Variants in WBP2NL observed in about 807,000 individuals in gnomAD.
WBP2NL encodes postacrosomal sheath WW domain-binding protein.
Under a neutral mutation model 23.3 loss-of-function variants are expected in WBP2NL, and 27 were observed. The ratio of observed to expected loss-of-function variants is 1.16; its 90% CI spans 0.85 to 1.60. WBP2NL has a LOEUF of 1.60. Ranked by LOEUF, WBP2NL falls within the 40% of genes most tolerant of loss-of-function variation. The pLI, the probability that WBP2NL is intolerant of heterozygous loss-of-function variation, is 0.00. For missense variants in WBP2NL, 370 were observed against 389.5 expected (o/e 0.95, Z 0.42); for synonymous variants, 151 against 145.9 (o/e 1.03, Z -0.25).
intron 1 of WBP2NL, among the ~76,000 whole-genome samples, chr22:42,013,714 AT>A (rs1923047739): frequency 1.3e-5 from 2 of 151,976 alleles, no homozygotes. Flanking sequence ...GGCTCAAGTG[AT>A]TCTCTTGCCT....
chr22:42,013,876 G>A (rs1170876459), intron 1 of WBP2NL, among the ~76,000 whole-genome samples: 1 of 152,026 alleles, frequency 6.6e-6, no homozygotes, highest in Non-Finnish European at 1.5e-5. Context: ...TGCCTCCTGG[G>A]TTCACGCAAT....
At chr22:42,058,178 AGT>A (rs1279971119) in intron 8 of WBP2NL, 1 of 151,530 alleles carries the variant, frequency 6.6e-6, no homozygotes. Flanking sequence ...AGCCTCCCAA[AGT>A]GCTGGGATTA....
intron 8 of WBP2NL, among the ~76,000 whole-genome samples, chr22:42,045,502 T>A (rs1258966857): frequency 1.3e-5 from 2 of 152,108 alleles, no homozygotes; most frequent in Non-Finnish European, 2.9e-5. Flanking sequence ...AAAGGACAAA[T>A]TTCTGTGAAG....
intron 1 of WBP2NL, among the ~76,000 whole-genome samples, chr22:41,999,602 C>T (rs949393872): frequency 2.3e-4 from 35 of 152,182 alleles, no homozygotes; most frequent in African/African-American, 8.2e-4. Context: ...GACCCCATCT[C>T]TACAAAAAGT....
intron 8 of WBP2NL, among the ~76,000 whole-genome samples, chr22:42,040,344 T>G (rs1274355263): frequency 6.6e-6 from 1 of 152,088 alleles, no homozygotes; most frequent in East Asian, 1.9e-4. Flanking sequence ...TGCCTCAGCC[T>G]CCTGAGTAGC....
At position 42,019,417 on chromosome 22, in the gene WBP2NL, C is replaced by T. The variant is rs748401003; in HGVS notation, c.169C>T (p.Arg57Trp). 42 of 1,611,714 alleles carry T rather than the reference C, an allele frequency of 2.6e-5. No homozygotes were observed. The highest frequency in any genetic ancestry group is 3.1e-5 in the Non-Finnish European group (37 of 1,179,018). Reference protein sequence around the residue: ...KTGTLFLTSYRVIFITSCSIS... With the variant: ...KTGTLFLTSYWVIFITSCSIS... ...AGGAACATTGTTTCTCACTTCATAC[C>T]GGGTAATTTCTACTTCTACTTTAAT... The change falls in exon 2 of 6, where the codon CGG becomes TGG. Residue 57 changes from arginine to tryptophan, a missense_variant and splice_region_variant. Physicochemically the swap from Arg to Trp is moderately radical, Grantham distance 101. Transcript: ENST00000328823.
intron 8 of WBP2NL, among the ~76,000 whole-genome samples, chr22:42,048,426 A>C (rs2146822129): frequency 6.6e-6 from 1 of 151,764 alleles, no homozygotes; most frequent in South Asian, 2.1e-4. Flanking sequence ...TAGATACAGA[A>C]AAAGCTCTTA....
chr22:42,019,252 A>G, intron 1 of WBP2NL, 59 bp from the exon 2 acceptor site: 1 of 1,484,082 alleles, frequency 6.7e-7, no homozygotes, highest in East Asian at 2.3e-5. Context: ...TAAGAACTTT[A>G]TGTGTGTCAT....
At chr22:42,049,700 CAAAACAAAAAAAA>C (rs1398277471) in intron 8 of WBP2NL, among the ~76,000 whole-genome samples, 1,274 of 36,474 alleles carry the variant, frequency 0.035, 12 homozygotes, top group African/African-American at 0.11. Flanking sequence ...CAAAACAAAA[CAAAACAAAAAAAA>C]AAAAAAAAAA....
At chr22:42,048,481 G>A (rs1364141630) in intron 8 of WBP2NL, among the ~76,000 whole-genome samples, 1 of 151,950 alleles carries the variant, frequency 6.6e-6, no homozygotes, top group Non-Finnish European at 1.5e-5. Flanking sequence ...AGCAGGCCGG[G>A]CACGGTGGTT....
downstream of WBP2NL, among the ~76,000 whole-genome samples, chr22:42,034,894 C>G (rs182510367): frequency 7.4e-4 from 112 of 152,354 alleles, 1 homozygote; most frequent in Non-Finnish European, 1.3e-3. Flanking sequence ...ATTCCCTGAA[C>G]AATTGCTGTT....
chr22:42,057,316 T>C (rs1016065016), intron 8 of WBP2NL, among the ~76,000 whole-genome samples: 7 of 152,324 alleles, frequency 4.6e-5, no homozygotes, highest in Admixed American at 3.3e-4. Flanking sequence ...TTATTAAACC[T>C]CTTCAGTGAA....
At chr22:42,049,720 A>C (rs1288743343) in intron 8 of WBP2NL, among the ~76,000 whole-genome samples, 3 of 149,954 alleles carry the variant, frequency 2.0e-5, no homozygotes, top group Admixed American at 1.3e-4. Context: ...AAAAAAAAAA[A>C]AAAAAAAAAA....
chr22:42,024,321 T>C (rs890935394), intron 5 of WBP2NL, among the ~76,000 whole-genome samples: 1 of 152,216 alleles, frequency 6.6e-6, no homozygotes, highest in Non-Finnish European at 1.5e-5. Context: ...ATTTTCTACG[T>C]AGACATATGT....
At chr22:42,023,190 T>TC (rs1462539980) in intron 5 of WBP2NL, among the ~76,000 whole-genome samples, 1 of 9,578 alleles carries the variant, frequency 1.0e-4, no homozygotes, top group South Asian at 3.3e-3. Flanking sequence ...AAAAGTGGTG[T>TC]TTTTTTTTTT....
chr22:42,048,045 C>T (rs1275872238), intron 8 of WBP2NL, among the ~76,000 whole-genome samples: 1 of 152,114 alleles, frequency 6.6e-6, no homozygotes, highest in Non-Finnish European at 1.5e-5. Flanking sequence ...TAAAAATACA[C>T]CATGACCAAG....
At chr22:42,020,239 C>A in intron 4 of WBP2NL, 143 bp downstream of exon 4, 1 of 779,210 alleles carries the variant, frequency 1.3e-6, no homozygotes, top group Non-Finnish European at 2.0e-6. Flanking sequence ...GGGGTTTCAC[C>A]ATGTTGCCCA....
chr22:42,020,879 TATATATATATATATATATATATATA>T (rs1569449959), intron 4 of WBP2NL, among the ~76,000 whole-genome samples: 12 of 20,652 alleles, frequency 5.8e-4, no homozygotes, highest in Admixed American at 5.9e-4. Context: ...TATATATATA[TATATATATATATATATATATATATA>T]TATATTTTTT....
intron 8 of WBP2NL, among the ~76,000 whole-genome samples, chr22:42,052,455 T>C (rs995142154): frequency 6.6e-6 from 1 of 152,048 alleles, no homozygotes; most frequent in Non-Finnish European, 1.5e-5. Flanking sequence ...ATTTTTTGTA[T>C]TTTTAGTAGA....
Sources: allele counts gnomAD v4.1 joint callset (sites outside exome capture counted in the v4.1 genomes callset), GRCh38; gene constraint gnomAD v4.1.1; transcripts MANE v1.5; gene names NCBI Gene and HGNC (gene_info 2026-07-23, HGNC 2026-07-21).